Variants in DARS1 observed in about 807,000 individuals in gnomAD.
DARS1 encodes the protein aspartate--tRNA ligase, cytoplasmic.
DARS1 carries 51 observed loss-of-function variants against 68.8 expected under a neutral mutation model. That is an observed-to-expected ratio of 0.74 (90% confidence interval 0.59 to 0.94). DARS1 has a LOEUF of 0.94. DARS1 is among the 40% of genes least tolerant of loss of function. The probability of loss-of-function intolerance (pLI) is 0.00; values close to 1 mark genes in which losing one functional copy is unlikely to be tolerated. For missense variants in DARS1, 607 were observed against 597.3 expected (o/e 1.02, Z -0.17); for synonymous variants, 203 against 190.4 (o/e 1.07, Z -0.55).
At chr2:135,912,340 G>C in intron 13 of DARS1, 146 bp downstream of exon 13, 1 of 442,094 alleles carries the variant, frequency 2.3e-6, no homozygotes, top group Non-Finnish European at 4.2e-6. Context: ...ATTTTGACCA[G>C]TGGTGACAGA....
rs1460370549 is a variant in DARS1, at chr2:135,929,954, GC to G, written c.564+2828del. On this transcript the variant is annotated intron_variant, in intron 7 of 15. Transcript: ENST00000264161. Reference sequence around the variant, plus strand: ...TATGGTATGTTGTGCCTGACTGGGGGCATTTGCCATGAATGTAATTCTTTTC... The same window carrying G: ...TATGGTATGTTGTGCCTGACTGGGGGATTTGCCATGAATGTAATTCTTTTC... 2.0e-5 allele frequency among the ~76,000 whole-genome samples: 3 copies of G among 152,148 alleles called. No individual in the cohort carries two copies. The East Asian group carries it at 5.8e-4, about 29-fold the overall frequency.
Position 135,954,735 on chromosome 2 carries a change from T to G in DARS1, c.320+6661A>C, listed in dbSNP as rs1184536858. Among the ~76,000 whole-genome samples the G allele has an allele frequency of 5.3e-5, 8 of 152,168 alleles. No homozygotes were observed. The East Asian group carries it at 1.3e-3, about 26-fold the overall frequency. ...AAAATAATATTTCACATGCAACGAG[T>G]CTGGTATGTGGTAGGGGATGGGTTT... On this transcript the variant is annotated intron_variant, in intron 4 of 15. Coordinates refer to ENST00000264161, the MANE Select transcript of DARS1 (RefSeq NM_001349.4).
At chr2:135,973,680 C>A (rs1299409140) in intron 3 of DARS1, among the ~76,000 whole-genome samples, 1 of 151,618 alleles carries the variant, frequency 6.6e-6, no homozygotes, top group Non-Finnish European at 1.5e-5. Flanking sequence ...CATGGCAAAA[C>A]CCCATCTTTA....
chr2:135,915,973 A>C (rs576454781), intron 11 of DARS1, among the ~76,000 whole-genome samples: 1 of 152,348 alleles, frequency 6.6e-6, no homozygotes, highest in South Asian at 2.1e-4. Flanking sequence ...ACATTATATA[A>C]AAGAGCATCA....
At position 135,907,238 on chromosome 2, in the gene DARS1, CTTTCTTTT is replaced by C; in HGVS notation, c.*70_*77del. Reference sequence around the variant, plus strand: ...AGGTTACTGAAAAGAATAAGTGTGGCTTTCTTTTTTTTTTTTTTTTTTTGAGGCAGGGT... The same window carrying C: ...AGGTTACTGAAAAGAATAAGTGTGGCTTTTTTTTTTTTTTTGAGGCAGGGT... On this transcript the variant is annotated 3_prime_UTR_variant, in exon 16 of 16. Coordinates refer to ENST00000264161, the MANE Select transcript of DARS1 (RefSeq NM_001349.4). 5 of 724,940 alleles carry C rather than the reference CTTTCTTTT, an allele frequency of 6.9e-6. No homozygotes were observed. The highest frequency in any genetic ancestry group is 6.1e-6 in the Non-Finnish European group (3 of 491,690). The allele number at this position is 724,940 out of a possible 1,614,324, so 44.9% of individuals were successfully genotyped here. A position where few individuals can be genotyped will look rare whatever the true frequency, so the allele number is the denominator to read the frequency against.
chr2:135,979,480 T>A, intron 2 of DARS1, 114 bp from the exon 3 acceptor site: 1 of 635,912 alleles, frequency 1.6e-6, no homozygotes, highest in Non-Finnish European at 2.8e-6. Context: ...CCATCCTGAA[T>A]AATTCTCAAT....
At chr2:135,917,942 C>T (rs999527834) in intron 10 of DARS1, among the ~76,000 whole-genome samples, 4 of 151,708 alleles carry the variant, frequency 2.6e-5, no homozygotes, top group East Asian at 1.9e-4. Flanking sequence ...TTTTTTTAGA[C>T]GGAGTCTTGC....
At chr2:135,910,473 A>G (rs1293903202) in intron 15 of DARS1, among the ~76,000 whole-genome samples, 1 of 152,122 alleles carries the variant, frequency 6.6e-6, no homozygotes, top group Non-Finnish European at 1.5e-5. Flanking sequence ...TTTTACATTT[A>G]GGCCTTTGAT....
intron 4 of DARS1, among the ~76,000 whole-genome samples, chr2:135,947,896 A>T (rs1234138086): frequency 6.6e-6 from 1 of 151,842 alleles, no homozygotes; most frequent in East Asian, 1.9e-4. Context: ...CCAAATGTCC[A>T]GGAATCATAC....
chr2:135,911,973 C>A (rs1270570851), intron 13 of DARS1, among the ~76,000 whole-genome samples: 1 of 151,958 alleles, frequency 6.6e-6, no homozygotes, highest in South Asian at 2.1e-4. Context: ...GTGGGGCCTG[C>A]AAATTATCAG....
intron 3 of DARS1, among the ~76,000 whole-genome samples, chr2:135,976,693 T>C (rs952630973): frequency 6.6e-6 from 1 of 152,004 alleles, no homozygotes; most frequent in African/African-American, 2.4e-5. Flanking sequence ...CAAAAACTTT[T>C]TGAGTGCCGA....
Position 135,911,630 on chromosome 2 carries a change from T to C in DARS1, c.1231-137A>G, listed in dbSNP as rs151050131. The C allele has an allele frequency of 1.7e-3, 1,001 of 598,398 alleles. 7 individuals carry two copies. In the African/African-American group the frequency reaches 0.017, roughly 10 times the overall value. The allele number at this position is 598,398 out of a possible 1,614,324, so 37.1% of individuals were successfully genotyped here. A position where few individuals can be genotyped will look rare whatever the true frequency, so the allele number is the denominator to read the frequency against. On this transcript the variant is annotated intron_variant, in intron 13 of 15. Transcript: ENST00000264161. ...AACAATGCAATCTTGTTCTCTAAAG[T>C]AGAATTAAACTACTGAGGGCTGAAT...
intron 4 of DARS1, among the ~76,000 whole-genome samples, chr2:135,951,148 A>T (rs1476599531): frequency 2.0e-5 from 3 of 152,190 alleles, no homozygotes; most frequent in African/African-American, 7.2e-5. Context: ...AAAAGCCTGG[A>T]ACTTCTCTTC....
intron 13 of DARS1, 121 bp from the exon 14 acceptor site, chr2:135,911,614 ATCTTGTTCTCTAAAGTAGAATTAAAC>A: frequency 3.2e-6 from 2 of 630,110 alleles, no homozygotes; most frequent in South Asian, 3.9e-5. Flanking sequence ...TAACAATGCA[ATCTTGTTCTCTAAAGTAGAATTAAAC>A]TACTGAGGGC....
chr2:135,944,176 T>C (rs186890677), intron 4 of DARS1, among the ~76,000 whole-genome samples: 1 of 152,162 alleles, frequency 6.6e-6, no homozygotes, highest in African/African-American at 2.4e-5. Flanking sequence ...AGTAGCTTAT[T>C]AAACACAATG....
At chr2:135,928,917 T>C (rs1481767087) in intron 7 of DARS1, among the ~76,000 whole-genome samples, 1 of 152,122 alleles carries the variant, frequency 6.6e-6, no homozygotes, top group Non-Finnish European at 1.5e-5. Context: ...AATTTCTAAT[T>C]GAACAAAAGG....
At chr2:135,940,679 G>A (rs1681575493) in intron 5 of DARS1, among the ~76,000 whole-genome samples, 1 of 152,172 alleles carries the variant, frequency 6.6e-6, no homozygotes, top group African/African-American at 2.4e-5. Flanking sequence ...GCACGAGAAA[G>A]GAATAAAGGG....
Position 135,959,666 on chromosome 2 carries a change from C to T in DARS1, c.320+1730G>A, listed in dbSNP as rs77793053. Among the ~76,000 whole-genome samples the T allele has an allele frequency of 7.8e-3, 1,181 of 152,048 alleles. 11 individuals are homozygous for T. The highest frequency in any genetic ancestry group is 0.027 in the African/African-American group (1,105 of 41,460). The stretch of plus-strand genomic sequence containing the variant: ...CAAAATAATAGGAATAACTTATTTG[C>T]GGAGTACTTTAACGTGTCTGCTTCT... On this transcript the variant is annotated intron_variant, in intron 4 of 15. Transcript: ENST00000264161.
At position 135,985,411 on chromosome 2, in the gene DARS1, C is replaced by T; in HGVS notation, c.58G>A (p.Ala20Thr). Residue 20 changes from alanine (A) to threonine (T), a missense_variant, in exon 1 of 16, where the codon GCG (alanine) becomes ACG (threonine). Coordinates refer to ENST00000264161, the MANE Select transcript of DARS1 (RefSeq NM_001349.4). Reference sequence around the variant, plus strand: ...GAAAGGAGGAAACCCACTTCCGCCGCGTCCATGATCTCCCGCGGCTTCTCC... The same window carrying T: ...GAAAGGAGGAAACCCACTTCCGCCGTGTCCATGATCTCCCGCGGCTTCTCC... ...SQEKPREIMD[A>T]AEDYAKERYG... The T allele has an allele frequency of 6.2e-7, 1 of 1,613,888 alleles. No individual in the cohort carries two copies. The highest frequency in any genetic ancestry group is 2.2e-5 in the East Asian group (1 of 44,880).
Sources: allele counts gnomAD v4.1 joint callset (sites outside exome capture counted in the v4.1 genomes callset), GRCh38; gene constraint gnomAD v4.1.1; transcripts MANE v1.5; gene names NCBI Gene and HGNC (gene_info 2026-07-23, HGNC 2026-07-21).